The following TGM4 variants were observed in gnomAD, a reference collection of about 807,000 sequenced individuals.
The protein encoded by TGM4 is protein-glutamine gamma-glutamyltransferase 4.
In TGM4, 61 loss-of-function variants were observed where a neutral mutation model predicts 76.3. The observed-to-expected ratio is 0.80, with a 90% CI of 0.65 to 0.99. The LOEUF is 0.99. Among genes scored for constraint, TGM4 ranks in the 50% least tolerant of loss-of-function variants. The pLI is 0.00. For synonymous variants in TGM4, 337 were observed against 329.8 expected, an observed-to-expected ratio of 1.02 and a Z score of -0.24; for missense variants, 794 against 843.2, an observed-to-expected ratio of 0.94 and a Z score of 0.72.
chr3:44,889,415 C>T lies in TGM4; in HGVS notation c.301-1188C>T, dbSNP rs1351310521. ...CAACCCTTTTCCACACCTGCCCTTT[C>T]TCCTGGGGCCTTCCTGAAGTCAAAA... On this transcript the variant is annotated intron_variant, in intron 3 of 13. Coordinates refer to ENST00000296125, the MANE Select transcript of TGM4 (RefSeq NM_003241.4). Among the ~76,000 whole-genome samples the T allele has an allele frequency of 2.0e-5, 3 of 152,076 alleles. No individual in the cohort carries two copies. The East Asian group carries it at 5.8e-4, about 29-fold the overall frequency.
intron 7 of TGM4, 43 bp from the exon 8 acceptor site, chr3:44,901,750 C>T (rs367881008): frequency 4.5e-5 from 73 of 1,612,720 alleles, no homozygotes; most frequent in Non-Finnish European, 5.9e-5. Context: ...GAGGGACTCC[C>T]AGCCCCCACA....
intron 6 of TGM4, among the ~76,000 whole-genome samples, chr3:44,897,607 G>C (rs938859932): frequency 3.9e-5 from 6 of 152,102 alleles, no homozygotes; most frequent in Non-Finnish European, 8.8e-5. Flanking sequence ...GTTCAGAGTG[G>C]CAGTTCTCAA....
At chr3:44,899,188 G>A (rs1351405288) in intron 6 of TGM4, 7 of 152,240 alleles carry the variant, frequency 4.6e-5, no homozygotes, top group African/African-American at 1.4e-4. Flanking sequence ...ATTCTTATGC[G>A]TGGTGGGGTT....
Position 44,905,291 on chromosome 3 carries a change from C to CTT in TGM4, c.1075+1315_1075+1316dup, listed in dbSNP as rs5848717. ...GTGAACCACCGCACCCAGCCTCAAA[C>CTT]TTTTTTTTTTTTGAAAAAAGCAGTC... On this transcript the variant is annotated intron_variant, in intron 9 of 13. Transcript: ENST00000296125. Among the ~76,000 whole-genome samples the CTT allele has an allele frequency of 7.2e-3, 1,070 of 148,584 alleles. 8 individuals are homozygous for CTT. The highest frequency in any genetic ancestry group is 0.021 in the South Asian group (101 of 4,702).
chr3:44,903,679 C>T (rs1353864216), intron 8 of TGM4: 1 of 587,588 alleles, frequency 1.7e-6, no homozygotes, highest in Non-Finnish European at 3.1e-6. Context: ...CTGCACACAA[C>T]TCTGTGCCCT....
intron 5 of TGM4, 62 bp downstream of exon 5, chr3:44,893,757 G>C: frequency 7.2e-7 from 1 of 1,398,346 alleles, no homozygotes; most frequent in Non-Finnish European, 1.0e-6. Context: ...CTTTTAGCTG[G>C]GTAGTAGTCA....
intron 2 of TGM4, among the ~76,000 whole-genome samples, 153 bp downstream of exon 2, chr3:44,885,651 G>A (rs1302351652): frequency 6.6e-6 from 1 of 152,166 alleles, no homozygotes; most frequent in Non-Finnish European, 1.5e-5. Flanking sequence ...ATAATAGCGG[G>A]TGTGAAGAGA....
chr3:44,896,448 C>T (rs986334856), intron 5 of TGM4, among the ~76,000 whole-genome samples: 3 of 152,128 alleles, frequency 2.0e-5, no homozygotes, highest in Non-Finnish European at 4.4e-5. Context: ...AGGAATTTTC[C>T]CCATGGTATT....
At chr3:44,911,905 G>A (rs977315089) in intron 13 of TGM4, among the ~76,000 whole-genome samples, 2 of 152,184 alleles carry the variant, frequency 1.3e-5, no homozygotes, top group African/African-American at 2.4e-5. Context: ...TTGGCTCACT[G>A]CAATCTCCAT....
At chr3:44,887,663 C>T in intron 2 of TGM4, 26 bp from the exon 3 acceptor site, 1 of 1,610,012 alleles carries the variant, frequency 6.2e-7, no homozygotes, top group Non-Finnish European at 8.5e-7. Flanking sequence ...ATGGCTGGGC[C>T]AATGTTTTCC....
At chr3:44,911,447 C>T in intron 13 of TGM4, 41 bp downstream of exon 13, 1 of 1,609,436 alleles carries the variant, frequency 6.2e-7, no homozygotes, top group East Asian at 2.2e-5. Flanking sequence ...TGCTTCTGGA[C>T]ATATATCTTG....
intron 9 of TGM4, 21 bp from the exon 10 acceptor site, chr3:44,906,928 C>T (rs770807200): frequency 1.2e-6 from 2 of 1,608,650 alleles, no homozygotes; most frequent in African/African-American, 2.7e-5. Context: ...CTGAGAGTGA[C>T]CACCCCTGGC....
At chr3:44,905,888 A>G (rs1699915863) in intron 9 of TGM4, among the ~76,000 whole-genome samples, 2 of 152,174 alleles carry the variant, frequency 1.3e-5, no homozygotes, top group Admixed American at 6.5e-5. Context: ...GGCTCTTTCC[A>G]TCCAGGGAGT....
chr3:44,891,696 C>G (rs1699699487), intron 4 of TGM4, among the ~76,000 whole-genome samples: 1 of 152,198 alleles, frequency 6.6e-6, no homozygotes, highest in African/African-American at 2.4e-5. Flanking sequence ...TGTTAGCAGC[C>G]AGGCGTGGTG....
At chr3:44,904,028 C>G (rs780734793) in intron 9 of TGM4, 41 bp downstream of exon 9, 39 of 1,545,010 alleles carry the variant, frequency 2.5e-5, no homozygotes, top group Non-Finnish European at 3.4e-5. Context: ...CCATGCTGCT[C>G]TCCTTACATG....
chr3:44,884,505 G>T (rs1575712236), intron 1 of TGM4, among the ~76,000 whole-genome samples: 1 of 152,086 alleles, frequency 6.6e-6, no homozygotes, highest in Middle Eastern at 3.4e-3. Context: ...TTTTGGGGGG[G>T]ATGGAGTCTC....
rs763653794 is a variant in TGM4 at position 44,901,941 on chromosome 3, C to A, written c.971+10C>A. On this transcript the variant is annotated intron_variant, in intron 8 of 13. Transcript: ENST00000296125. ...CCCACGACTCTGTCTGGTAGGGTTC[C>A]TCCTTCTCAACCTGCCCTGTCTCCT... 9.9e-6 allele frequency: 16 copies of A among 1,612,872 alleles called. No homozygotes were observed. In the South Asian group the frequency reaches 1.8e-4, roughly 18 times the overall value.
At chr3:44,893,755 T>G in intron 5 of TGM4, 60 bp downstream of exon 5, 2 of 1,403,534 alleles carry the variant, frequency 1.4e-6, no homozygotes, top group Middle Eastern at 1.8e-4. Context: ...CCCTTTTAGC[T>G]GGGTAGTAGT....
chr3:44,884,543 G>A (rs1047013268), intron 1 of TGM4, among the ~76,000 whole-genome samples: 1 of 152,094 alleles, frequency 6.6e-6, no homozygotes, highest in African/African-American at 2.4e-5. Flanking sequence ...GGAGTGCAGT[G>A]GCTTGATCTC....
Sources: gnomAD v4.1 joint callset for allele counts (sites outside exome capture counted in the v4.1 genomes callset) on GRCh38, gnomAD v4.1.1 for gene constraint, MANE v1.5 for transcripts, NCBI Gene and HGNC (gene_info 2026-07-23, HGNC 2026-07-21) for gene names.